BTLA: variants seen among roughly 807,000 people sequenced by gnomAD.
BTLA encodes the protein B and T lymphocyte associated, also known as B- and T-lymphocyte attenuator.
A neutral mutation model predicts 25.0 loss-of-function variants in BTLA; 11 were observed. That is an observed-to-expected ratio of 0.44 (90% confidence interval 0.28 to 0.73). BTLA has a LOEUF of 0.73. BTLA is among the 30% of genes least tolerant of loss of function. The pLI, the probability that BTLA is intolerant of heterozygous loss-of-function variation, is 0.15. For synonymous variants in BTLA, 104 were observed against 119.8 expected (o/e 0.87, Z 0.86); for missense variants, 282 against 332.8 (o/e 0.85, Z 1.19).
intron 1 of BTLA, 66 bp downstream of exon 1, chr3:112,499,205 G>T: frequency 8.8e-7 from 1 of 1,138,556 alleles, no homozygotes; most frequent in East Asian, 2.3e-5. Flanking sequence ...AGTTCAGCAA[G>T]GGAGAATGTT....
chr3:112,499,375 T>C lies in BTLA; in HGVS notation c.-17A>G. On this transcript the variant is annotated 5_prime_UTR_variant, in exon 1 of 5. Transcript: ENST00000334529. ...TGTCTTCATTTCCTGCACATATCAG[T>C]GATGGAAAAACTGCTCAAGTAGAAG... 6.2e-7 allele frequency: 1 copy of C among 1,610,958 alleles called. No individual in the cohort carries two copies. Among genetic ancestry groups the C allele is most frequent in the Non-Finnish European group, 8.5e-7 (1 of 1,178,518 alleles).
chr3:112,498,568 CTTTTTTTT>C (rs34606026), intron 1 of BTLA, among the ~76,000 whole-genome samples: 9 of 83,868 alleles, frequency 1.1e-4, no homozygotes, highest in South Asian at 4.0e-4. Context: ...AAGAAATTGC[CTTTTTTTT>C]TTTTTTTTTT....
intron 2 of BTLA, among the ~76,000 whole-genome samples, chr3:112,476,327 T>C (rs1259118869): frequency 6.6e-6 from 1 of 152,226 alleles, no homozygotes; most frequent in East Asian, 1.9e-4. Flanking sequence ...GGTGCTGCTG[T>C]AAGAAATTTT....
intron 1 of BTLA, among the ~76,000 whole-genome samples, chr3:112,498,077 T>C (rs2107344973): frequency 6.6e-6 from 1 of 152,242 alleles, no homozygotes; most frequent in African/African-American, 2.4e-5. Context: ...GTAGATGTTA[T>C]AAATAGTTAA....
intron 1 of BTLA, among the ~76,000 whole-genome samples, chr3:112,485,038 T>C (rs900396681): frequency 1.3e-5 from 2 of 152,166 alleles, no homozygotes; most frequent in African/African-American, 4.8e-5. Context: ...CAATTCTATT[T>C]TTTTTAATTA....
chr3:112,496,469 A>G (rs1170092571), intron 1 of BTLA, among the ~76,000 whole-genome samples: 2 of 152,206 alleles, frequency 1.3e-5, no homozygotes, highest in Admixed American at 6.5e-5. Context: ...TCCTAGGAAC[A>G]AGGACACGGA....
At chr3:112,490,025 C>CA (rs1173735916) in intron 1 of BTLA, among the ~76,000 whole-genome samples, 2 of 152,136 alleles carry the variant, frequency 1.3e-5, no homozygotes, top group African/African-American at 2.4e-5. Context: ...CTTGGGAGGA[C>CA]ATTGACTTGC....
chr3:112,489,846 A>G (rs1389182222), intron 1 of BTLA, among the ~76,000 whole-genome samples: 1 of 152,188 alleles, frequency 6.6e-6, no homozygotes, highest in East Asian at 1.9e-4. Context: ...AGAAGGCTGG[A>G]ATGGTAGAGA....
At chr3:112,469,644 TATATAG>T (rs1316922373) in intron 4 of BTLA, 108 bp downstream of exon 4, 70 of 371,662 alleles carry the variant, frequency 1.9e-4, no homozygotes, top group African/African-American at 1.3e-3. Flanking sequence ...TATATATATA[TATATAG>T]TACATAGAAT....
chr3:112,471,342 G>A lies in BTLA; in HGVS notation c.417C>T (p.Ala139=). ...TTLYVTDVKS[A]SERPSKDEMA... Reference sequence around the variant, plus strand: ...TTTCGTCCTTGGAGGGTCGTTCTGAGGCACTTTTTACATCTGGAATGTTAG... The same window carrying A: ...TTTCGTCCTTGGAGGGTCGTTCTGAAGCACTTTTTACATCTGGAATGTTAG... Residue 139 remains alanine, a synonymous_variant, in exon 3 of 5, where the codon GCC becomes GCT. Coordinates refer to ENST00000334529, the MANE Select transcript of BTLA (RefSeq NM_181780.4). 1.2e-6 allele frequency: 2 copies of A among 1,613,646 alleles called. No homozygotes were observed. The highest frequency in any genetic ancestry group is 1.7e-6 in the Non-Finnish European group (2 of 1,179,738).
intron 1 of BTLA, among the ~76,000 whole-genome samples, chr3:112,480,074 A>T (rs1264738490): frequency 6.6e-6 from 1 of 152,210 alleles, no homozygotes; most frequent in Non-Finnish European, 1.5e-5. Context: ...TCCACAAAAG[A>T]AGTGAAAATA....
chr3:112,495,615 A>G (rs1367075725), intron 1 of BTLA, among the ~76,000 whole-genome samples: 1 of 152,246 alleles, frequency 6.6e-6, no homozygotes, highest in Admixed American at 6.5e-5. Context: ...TTTATTTAAT[A>G]TATGGCAGGC....
At chr3:112,497,062 T>C (rs1252467643) in intron 1 of BTLA, among the ~76,000 whole-genome samples, 1 of 152,228 alleles carries the variant, frequency 6.6e-6, no homozygotes, top group African/African-American at 2.4e-5. Flanking sequence ...ATTCACTATA[T>C]TTTGGGCTAA....
At chr3:112,469,094 C>T (rs1469787331) in intron 4 of BTLA, among the ~76,000 whole-genome samples, 1 of 152,162 alleles carries the variant, frequency 6.6e-6, no homozygotes, top group Non-Finnish European at 1.5e-5. Flanking sequence ...ATTGCCTCAT[C>T]TTGCATTCTT....
rs201264194 is a variant in BTLA at position 112,470,831 on chromosome 3, A to G, written c.547+381T>C. Among the ~76,000 whole-genome samples, 43 of 152,318 alleles carry G rather than the reference A, an allele frequency of 2.8e-4. No homozygotes were observed. In the East Asian group the frequency reaches 5.0e-3, roughly 18 times the overall value. ...GATGTGGTGTGGCTGTGAAAAGAGGATAATACAAAATAAAGCAGATATCTT... is the reference window on the plus strand; with the variant it reads ...GATGTGGTGTGGCTGTGAAAAGAGGGTAATACAAAATAAAGCAGATATCTT... On this transcript the variant is annotated intron_variant, in intron 3 of 4. Transcript: ENST00000334529.
chr3:112,498,240 C>T (rs182909138), intron 1 of BTLA, among the ~76,000 whole-genome samples: 108 of 151,884 alleles, frequency 7.1e-4, no homozygotes, highest in African/African-American at 2.5e-3. Flanking sequence ...TCCAACATCT[C>T]TACTAAAAAT....
chr3:112,494,712 A>G (rs1248242741), intron 1 of BTLA, among the ~76,000 whole-genome samples: 1 of 152,190 alleles, frequency 6.6e-6, no homozygotes, highest in Non-Finnish European at 1.5e-5. Context: ...ATGAGAATAT[A>G]TGGACACAGA....
At chr3:112,466,479 T>C (rs936364552) in intron 4 of BTLA, 96 bp from the exon 5 acceptor site, 4 of 1,135,210 alleles carry the variant, frequency 3.5e-6, no homozygotes, top group South Asian at 3.8e-5. Context: ...AATGGAGTCA[T>C]GTCCATTGTG....
At chr3:112,480,083 T>C (rs1336587087) in intron 1 of BTLA, among the ~76,000 whole-genome samples, 2 of 152,058 alleles carry the variant, frequency 1.3e-5, no homozygotes, top group African/African-American at 4.8e-5. Context: ...GAAGTGAAAA[T>C]AGCCTTAACT....
Sources: gnomAD v4.1 joint callset for allele counts (sites outside exome capture counted in the v4.1 genomes callset) on GRCh38, gnomAD v4.1.1 for gene constraint, MANE v1.5 for transcripts, NCBI Gene and HGNC (gene_info 2026-07-23, HGNC 2026-07-21) for gene names.